The following PTCHD1 variants were observed in gnomAD, a reference collection of about 807,000 sequenced individuals.
PTCHD1 encodes patched domain containing 1.
A neutral mutation model predicts 34.6 loss-of-function variants in PTCHD1; 3 were observed. The observed-to-expected ratio is 0.09, with a 90% CI of 0.04 to 0.22. The LOEUF (loss-of-function observed/expected upper bound fraction) is 0.22. Ranked by LOEUF, PTCHD1 falls within the 10% of genes least tolerant of loss-of-function variation. The probability of loss-of-function intolerance (pLI) is 1.00; values close to 1 mark genes in which losing one functional copy is unlikely to be tolerated. For synonymous variants in PTCHD1, 305 were observed against 283.1 expected, an observed-to-expected ratio of 1.08 and a Z score of -0.77; for missense variants, 504 against 685.5, an observed-to-expected ratio of 0.74 and a Z score of 2.96.
rs752747079 is a variant in PTCHD1, at chrX:23,385,828, A to C, written c.1012+5577A>C. Among the ~76,000 whole-genome samples, 9 of 111,286 alleles carry C rather than the reference A, an allele frequency of 8.1e-5. No individual in the cohort carries two copies. The South Asian group carries it at 1.1e-3, about 14-fold the overall frequency. On this transcript the variant is annotated intron_variant, in intron 2 of 2. Coordinates refer to ENST00000379361, the MANE Select transcript of PTCHD1 (RefSeq NM_173495.3). ...TAAATTTCACATCAGCCTACTATTC[A>C]TCTTGTGTGTATGTGTGTCTTTATA...
In PTCHD1 at chrX:23,400,095, CA is replaced by C. The variant is rs11291852; in HGVS notation, c.*5914del. On this transcript the variant is annotated 3_prime_UTR_variant, in exon 3 of 3. Transcript: ENST00000379361. ...TCACACACGTGCAGTACCCTACTCT[CA>C]AAACAAGTATGGAGAGAATAAGTCT... 52,009 of 110,606 alleles carry C rather than the reference CA, an allele frequency of 0.47. 8,793 individuals are homozygous for C. Among genetic ancestry groups the C allele is most frequent in the East Asian group, 0.59 (2,047 of 3,491 alleles). 9.1% of individuals were successfully genotyped at this position (110,606 alleles called of 1,213,427 possible).
chrX:23,393,465 G>C lies in PTCHD1; in HGVS notation c.1947G>C (p.Leu649Phe), dbSNP rs1922891196. Residue 649 changes from leucine (L) to phenylalanine (F), a missense_variant, in exon 3 of 3, where the codon TTG (leucine) becomes TTC (phenylalanine). Transcript: ENST00000379361. ...EVDVVASRMF[L>F]VAKTMETNRE... ...ATGTAGTGGCCTCCAGAATGTTTTTGGTGGCCAAGACCATGGAAACAAACA... is the reference window on the plus strand; with the variant it reads ...ATGTAGTGGCCTCCAGAATGTTTTTCGTGGCCAAGACCATGGAAACAAACA... 1 of 1,210,013 alleles carries C rather than the reference G, an allele frequency of 8.3e-7. No homozygotes were observed. The highest frequency in any genetic ancestry group is 1.1e-6 in the Non-Finnish European group (1 of 893,942).
rs193241331 is a variant in PTCHD1, at chrX:23,340,683, C to T, written c.351+5457C>T. Among the ~76,000 whole-genome samples the T allele has an allele frequency of 1.7e-3, 195 of 112,050 alleles. 1 individual carries two copies. Among genetic ancestry groups the T allele is most frequent in the African/African-American group, 5.7e-3 (175 of 30,836 alleles). On this transcript the variant is annotated intron_variant, in intron 1 of 2. Transcript: ENST00000379361. ...AAGAAACACGGAATCAAAGAACCTTCGGTTTAGAAGGCACCTTAAAGGTCA... is the reference window on the plus strand; with the variant it reads ...AAGAAACACGGAATCAAAGAACCTTTGGTTTAGAAGGCACCTTAAAGGTCA...
At chrX:23,375,525 C>T (rs1922392741) in intron 1 of PTCHD1, among the ~76,000 whole-genome samples, 2 of 107,180 alleles carry the variant, frequency 1.9e-5, no homozygotes, top group Admixed American at 1.0e-4. Flanking sequence ...GTGATCCGCC[C>T]GCCTCGGCCT....
At chrX:23,379,566 A>T in intron 1 of PTCHD1, 25 bp from the exon 2 acceptor site, 8 of 1,206,262 alleles carry the variant, frequency 6.6e-6, no homozygotes, top group Non-Finnish European at 9.0e-6. Flanking sequence ...TGATTAATAA[A>T]TGCTGTCATT....
chrX:23,366,078 C>A (rs1036619044), intron 1 of PTCHD1, among the ~76,000 whole-genome samples: 1 of 112,414 alleles, frequency 8.9e-6, no homozygotes, highest in Non-Finnish European at 1.9e-5. Flanking sequence ...TGTTCTATTA[C>A]CTGGCTTATT....
intron 1 of PTCHD1, among the ~76,000 whole-genome samples, chrX:23,349,648 C>T (rs1294862022): frequency 9.0e-6 from 1 of 111,684 alleles, no homozygotes; most frequent in African/African-American, 3.3e-5. Context: ...TACTTAACAA[C>T]AGAGCATCAA....
Position 23,349,381 on chromosome X carries a change from G to GA in PTCHD1, c.351+14158dup, listed in dbSNP as rs201465135. Among the ~76,000 whole-genome samples the GA allele has an allele frequency of 1.7e-4, 19 of 110,527 alleles. No homozygotes were observed. In the East Asian group the frequency reaches 2.0e-3, roughly 12 times the overall value. ...ATGATGACTGTCAAAGTGGATTATG[G>GA]AAACAAAAAAGACCTAACTCTATAT... On this transcript the variant is annotated intron_variant, in intron 1 of 2. Coordinates refer to ENST00000379361, the MANE Select transcript of PTCHD1 (RefSeq NM_173495.3).
Position 23,395,148 on chromosome X carries a change from A to G in PTCHD1, c.*963A>G, listed in dbSNP as rs774697245. On this transcript the variant is annotated 3_prime_UTR_variant, in exon 3 of 3. Transcript: ENST00000379361. ...TTTTAACAACAACAACAAAATAGCCAGCTGGTACAGCTGTTTGCATTGGCC... is the reference window on the plus strand; with the variant it reads ...TTTTAACAACAACAACAAAATAGCCGGCTGGTACAGCTGTTTGCATTGGCC... 4 of 112,491 alleles carry G rather than the reference A, an allele frequency of 3.6e-5. No homozygotes were observed. Among genetic ancestry groups the G allele is most frequent in the Non-Finnish European group, 5.6e-5 (3 of 53,324 alleles). 9.3% of individuals were successfully genotyped at this position (112,491 alleles called of 1,213,427 possible). A position where few individuals can be genotyped will look rare whatever the true frequency, so the allele number is the denominator to read the frequency against.
chrX:23,355,488 A>C (rs1264832536), intron 1 of PTCHD1, among the ~76,000 whole-genome samples: 1 of 112,990 alleles, frequency 8.9e-6, no homozygotes, highest in African/African-American at 3.2e-5. Context: ...TAGCCATTAT[A>C]ATAATGCATA....
At chrX:23,367,452 C>T (rs894642406) in intron 1 of PTCHD1, among the ~76,000 whole-genome samples, 1 of 111,816 alleles carries the variant, frequency 8.9e-6, no homozygotes, top group African/African-American at 3.3e-5. Flanking sequence ...GCAATCTTTG[C>T]TCCGGGCTGG....
chrX:23,354,246 G>C (rs1272205012), intron 1 of PTCHD1, among the ~76,000 whole-genome samples: 1 of 110,852 alleles, frequency 9.0e-6, no homozygotes, highest in African/African-American at 3.3e-5. Flanking sequence ...AAAAATTAGA[G>C]CGGTAGCCCT....
rs181921161 is a variant in PTCHD1, at chrX:23,359,519, A to T, written c.352-20072A>T. Among the ~76,000 whole-genome samples the T allele has an allele frequency of 2.7e-3, 308 of 112,389 alleles. 2 individuals carry two copies. The highest frequency in any genetic ancestry group is 9.4e-3 in the African/African-American group (292 of 30,942). On this transcript the variant is annotated intron_variant, in intron 1 of 2. Coordinates refer to ENST00000379361, the MANE Select transcript of PTCHD1 (RefSeq NM_173495.3). ...ATTTTGTATCCTGAGACTTTGCTGA[A>T]GTTGCTTATCAGCTTAAGGAGATTT... is the stretch of plus-strand genomic sequence containing the variant.
chrX:23,361,654 A>G (rs1360355450), intron 1 of PTCHD1, among the ~76,000 whole-genome samples: 2 of 111,754 alleles, frequency 1.8e-5, no homozygotes, highest in Non-Finnish European at 3.8e-5. Context: ...TTTACATTTA[A>G]GGTTAATATT....
At chrX:23,390,454 G>T (rs777459944) in intron 2 of PTCHD1, among the ~76,000 whole-genome samples, 2 of 110,657 alleles carry the variant, frequency 1.8e-5, no homozygotes, top group Non-Finnish European at 3.8e-5. Flanking sequence ...GGTCCATCTT[G>T]AAAATATACT....
intron 2 of PTCHD1, among the ~76,000 whole-genome samples, chrX:23,392,287 T>C (rs1432147903): frequency 1.8e-5 from 2 of 109,791 alleles, no homozygotes; most frequent in African/African-American, 6.7e-5. Context: ...AGAACTTTCT[T>C]AAGCCAGAGG....
intron 1 of PTCHD1, among the ~76,000 whole-genome samples, chrX:23,356,270 AGATT>A (rs1921800298): frequency 8.9e-6 from 1 of 112,285 alleles, no homozygotes; most frequent in Admixed American, 9.4e-5. Flanking sequence ...ACAAATAACA[AGATT>A]GAGTTCCTTT....
chrX:23,370,529 A>G (rs1327941140), intron 1 of PTCHD1, among the ~76,000 whole-genome samples: 1 of 111,882 alleles, frequency 8.9e-6, no homozygotes, highest in Non-Finnish European at 1.9e-5. Flanking sequence ...GCACTGTCCT[A>G]TAATACGTTA....
chrX:23,388,384 C>T, intron 2 of PTCHD1, among the ~76,000 whole-genome samples: 1 of 112,531 alleles, frequency 8.9e-6, no homozygotes, highest in East Asian at 2.8e-4. Flanking sequence ...AAGCAAACAG[C>T]AGTACTTTTG....
Sources: allele counts gnomAD v4.1 joint callset (sites outside exome capture counted in the v4.1 genomes callset), GRCh38; gene constraint gnomAD v4.1.1; transcripts MANE v1.5; gene names NCBI Gene and HGNC (gene_info 2026-07-23, HGNC 2026-07-21).